Variants in GCN1 observed in about 807,000 individuals in gnomAD.
GCN1 encodes the protein stalled ribosome sensor GCN1.
In GCN1, 90 loss-of-function variants were observed where a neutral mutation model predicts 288.4. The observed-to-expected ratio is 0.31, with a 90% confidence interval of 0.26 to 0.37. The LOEUF is 0.37. GCN1 is among the 10% of genes least tolerant of loss of function. The probability of loss-of-function intolerance (pLI) is 1.00; values close to 1 mark genes in which losing one functional copy is unlikely to be tolerated. For missense variants in GCN1, 2,586 were observed against 3,419.9 expected (o/e 0.76, Z 6.08); for synonymous variants, 1,386 against 1,420.2 (o/e 0.98, Z 0.54).
At chr12:120,173,968 G>A (rs2139129434) in intron 13 of GCN1, 103 bp downstream of exon 13, 3 of 1,012,122 alleles carry the variant, frequency 3.0e-6, no homozygotes, top group Non-Finnish European at 4.6e-6. Flanking sequence ...CTCTGAGGGA[G>A]GTGTGTCTTT....
chr12:120,160,293 G>A lies in GCN1; in HGVS notation c.2437-38C>T, dbSNP rs755686417. 12 of 1,391,206 alleles carry A rather than the reference G, an allele frequency of 8.6e-6. No homozygotes were observed. In the East Asian group the frequency reaches 1.1e-4, roughly 13 times the overall value. The allele number at this position is 1,391,206 out of a possible 1,614,324, so 86.2% of individuals were successfully genotyped here. ...GGCAAACCAACCAATCCCATCTCCA[G>A]GGAACAGACCTCCCTCCCCAACAGA... is the stretch of plus-strand genomic sequence containing the variant. On this transcript the variant is annotated intron_variant, in intron 22 of 57. Transcript: ENST00000300648.
At chr12:120,150,765 G>A (rs1670636905) in intron 34 of GCN1, among the ~76,000 whole-genome samples, 1 of 151,586 alleles carries the variant, frequency 6.6e-6, no homozygotes, top group Non-Finnish European at 1.5e-5. Context: ...GTGAAACCCC[G>A]CCTCTACTAA....
intron 7 of GCN1, among the ~76,000 whole-genome samples, chr12:120,177,972 A>G (rs1878533465): frequency 1.3e-5 from 2 of 152,112 alleles, no homozygotes; most frequent in East Asian, 3.9e-4. Flanking sequence ...CGTATGGCTT[A>G]TAAGGTCCTG....
intron 26 of GCN1, 97 bp from the exon 27 acceptor site, chr12:120,157,089 T>C (rs1051053827): frequency 4.0e-6 from 3 of 756,664 alleles, no homozygotes; most frequent in Non-Finnish European, 7.0e-6. Context: ...CGGGGGAACA[T>C]TCTGGATCAT....
At chr12:120,128,132 A>G (rs1439489877) in intron 57 of GCN1, among the ~76,000 whole-genome samples, 158 bp from the exon 58 acceptor site, 2 of 152,260 alleles carry the variant, frequency 1.3e-5, no homozygotes, top group Non-Finnish European at 2.9e-5. Context: ...GGGAAAGCCA[A>G]TGAAAACACT....
chr12:120,151,461 C>A, intron 33 of GCN1, 70 bp from the exon 34 acceptor site: 1 of 1,514,250 alleles, frequency 6.6e-7, no homozygotes. Flanking sequence ...GGGGGTCTGA[C>A]CATTCTACAC....
chr12:120,160,906 G>A (rs1433144736), intron 22 of GCN1, among the ~76,000 whole-genome samples: 1 of 152,216 alleles, frequency 6.6e-6, no homozygotes, highest in Non-Finnish European at 1.5e-5. Flanking sequence ...ATGATGTTTA[G>A]TAAAAGGGAG....
intron 16 of GCN1, among the ~76,000 whole-genome samples, chr12:120,165,046 TATATA>T (rs1320076212): frequency 5.0e-5 from 7 of 140,726 alleles, no homozygotes; most frequent in African/African-American, 2.0e-4. Context: ...CATATATATA[TATATA>T]TTTTTTTTTT....
At chr12:120,148,413 G>A (rs1356425136) in intron 36 of GCN1, 67 bp from the exon 37 acceptor site, 2 of 1,335,164 alleles carry the variant, frequency 1.5e-6, no homozygotes, top group East Asian at 4.6e-5. Flanking sequence ...ACCTGTGCTG[G>A]CTACATGAGC....
intron 24 of GCN1, 108 bp downstream of exon 24, chr12:120,159,717 G>A: frequency 1.1e-6 from 1 of 910,662 alleles, no homozygotes; most frequent in Non-Finnish European, 1.8e-6. Context: ...ACAAAACTCA[G>A]CAGCTGAGGT....
intron 14 of GCN1, among the ~76,000 whole-genome samples, chr12:120,170,707 T>C (rs932596251): frequency 8.6e-5 from 13 of 152,012 alleles, no homozygotes; most frequent in Non-Finnish European, 1.2e-4. Context: ...GCAGAGACAT[T>C]AGGTGTGTTG....
chr12:120,127,992 CAGG>C lies in GCN1; in HGVS notation c.7891-21_7891-19del. 1 of 1,613,494 alleles carries C rather than the reference CAGG, an allele frequency of 6.2e-7. No homozygotes were observed. ...GAGAGGGACTGTGGGGAAGGATGAG[CAGG>C]AGGAAACATAGTCAGAACATACGGC... On this transcript the variant is annotated intron_variant, in intron 57 of 57. Coordinates refer to ENST00000300648, the MANE Select transcript of GCN1 (RefSeq NM_006836.2).
rs755999494 is a variant in GCN1 at position 120,129,374 on chromosome 12, G to T, written c.7792C>A (p.Leu2598Ile). 1.2e-5 allele frequency: 20 copies of T among 1,614,054 alleles called. No homozygotes were observed. The East Asian group carries it at 4.2e-4, about 34-fold the overall frequency. Residue 2598 changes from leucine to isoleucine, a missense_variant, in exon 57 of 58, where the codon CTT becomes ATT. Physicochemically the swap from Leu to Ile is conservative, Grantham distance 5. Coordinates refer to ENST00000300648, the MANE Select transcript of GCN1 (RefSeq NM_006836.2). ...QAIKPILKAL[L>I]DNTKDKNTVV... is the part of the protein sequence containing the mutation. ...GTGTTCTTATCCTTGGTGTTGTCAA[G>T]AAGAGCCTTCAGGATGGGCTTGATG...
rs55710290 is a variant in GCN1 at position 120,165,002 on chromosome 12, T to TACACACACACAC, written c.1613-293_1613-282dup. On this transcript the variant is annotated intron_variant, in intron 16 of 57. Coordinates refer to ENST00000300648, the MANE Select transcript of GCN1 (RefSeq NM_006836.2). Reference sequence around the variant, plus strand: ...ATACATATACATATATACACATATATACACACACACACACACACACACACA... The same window carrying TACACACACACAC: ...ATACATATACATATATACACATATATACACACACACACACACACACACACACACACACACACA... Among the ~76,000 whole-genome samples the TACACACACACAC allele has an allele frequency of 2.7e-3, 366 of 136,852 alleles. 3 individuals are homozygous for TACACACACACAC. The highest frequency in any genetic ancestry group is 6.9e-3 in the East Asian group (32 of 4,638). The allele number at this position is 136,852 out of a possible 152,430, so 89.8% of individuals were successfully genotyped here.
intron 9 of GCN1, among the ~76,000 whole-genome samples, chr12:120,177,233 A>G (rs576755140): frequency 6.6e-6 from 1 of 152,094 alleles, no homozygotes; most frequent in East Asian, 1.9e-4. Context: ...GCCGCCTCCC[A>G]AAGTGCTGGG....
Position 120,130,701 on chromosome 12 carries a change from T to C in GCN1, c.7616A>G (p.His2539Arg). Reference sequence around the variant, plus strand: ...CAACTGCCCTCCGCCTGTCTCGATGTGGTGTCTCATGAGAAAGCCCATGCC... The same window carrying C: ...CAACTGCCCTCCGCCTGTCTCGATGCGGTGTCTCATGAGAAAGCCCATGCC... The part of the protein sequence containing the change: ...VRGMGFLMRH[H>R]IETGGGQLPA... Residue 2539 changes from histidine (H) to arginine (R), a missense_variant, in exon 56 of 58, where the codon CAC becomes CGC. Physicochemically the swap from His to Arg is conservative, Grantham distance 29 (BLOSUM62 0). Around this residue, in one of 8 missense-constraint regions of GCN1, gnomAD observed 355 missense variants for 431.1 expected, o/e 0.82. Transcript: ENST00000300648. 6.2e-7 allele frequency: 1 copy of C among 1,614,030 alleles called. No homozygotes were observed. Among genetic ancestry groups the C allele is most frequent in the Non-Finnish European group, 8.5e-7 (1 of 1,179,952 alleles).
intron 1 of GCN1, among the ~76,000 whole-genome samples, chr12:120,192,931 G>A (rs1594294146): frequency 6.6e-6 from 1 of 152,014 alleles, no homozygotes; most frequent in South Asian, 2.1e-4. Flanking sequence ...AGCTACTCGG[G>A]AAGCTGAGGC....
intron 37 of GCN1, 28 bp from the exon 38 acceptor site, chr12:120,147,300 A>T: frequency 2.2e-6 from 3 of 1,379,466 alleles, no homozygotes; most frequent in Non-Finnish European, 3.0e-6. Flanking sequence ...AGAGAGCTGG[A>T]TGATATACAT....
chr12:120,138,513 G>A (rs541735224), intron 46 of GCN1, 98 bp from the exon 47 acceptor site: 1 of 1,016,228 alleles, frequency 9.8e-7, no homozygotes, highest in South Asian at 1.3e-5. Context: ...CCTCCCTCCT[G>A]TTGCACCCAC....
Sources: gnomAD v4.1 joint callset for allele counts (sites outside exome capture counted in the v4.1 genomes callset) on GRCh38, gnomAD v4.1.1 for gene constraint, gnomAD v4.1.1 regional missense constraint, MANE v1.5 for transcripts, NCBI Gene and HGNC (gene_info 2026-07-23, HGNC 2026-07-21) for gene names.